The following SLAIN1 variants were observed in gnomAD, a reference collection of about 807,000 sequenced individuals.
SLAIN1 encodes SLAIN motif-containing protein 1.
SLAIN1 carries 17 observed loss-of-function variants against 55.4 expected under a neutral mutation model. The ratio of observed to expected loss-of-function variants is 0.31; its 90% CI spans 0.21 to 0.46. The LOEUF (loss-of-function observed/expected upper bound fraction) is 0.46. SLAIN1 is among the 20% of genes least tolerant of loss of function. SLAIN1 has a pLI of 1.00. For synonymous variants in SLAIN1, 348 were observed against 337.4 expected, an observed-to-expected ratio of 1.03 and a Z score of -0.35; for missense variants, 682 against 785.1, an observed-to-expected ratio of 0.87 and a Z score of 1.57.
At chr13:77,756,276 A>G (rs1157614564) in intron 5 of SLAIN1, among the ~76,000 whole-genome samples, 3 of 152,030 alleles carry the variant, frequency 2.0e-5, no homozygotes, top group Non-Finnish European at 4.4e-5. Flanking sequence ...ATTGGTTGGC[A>G]TTTCATTGAC....
intron 2 of SLAIN1, among the ~76,000 whole-genome samples, chr13:77,736,279 C>T (rs1459315283): frequency 3.3e-5 from 5 of 151,940 alleles, no homozygotes; most frequent in African/African-American, 1.2e-4. Flanking sequence ...AAGCCTTAAA[C>T]TCACCTTCCT....
intron 1 of SLAIN1, among the ~76,000 whole-genome samples, chr13:77,705,583 T>C (rs1410546917): frequency 6.6e-6 from 1 of 151,936 alleles, no homozygotes; most frequent in Admixed American, 6.6e-5. Flanking sequence ...CTAATGACAT[T>C]GAATAAAGTG....
intron 1 of SLAIN1, among the ~76,000 whole-genome samples, chr13:77,712,614 C>T (rs1328282338): frequency 3.3e-5 from 5 of 152,076 alleles, no homozygotes; most frequent in African/African-American, 7.2e-5. Context: ...GAATCAATAT[C>T]GTCAAAATGG....
chr13:77,763,112 A>ATC (rs745497575), intron 6 of SLAIN1, 33 bp from the exon 7 acceptor site: 17 of 1,567,304 alleles, frequency 1.1e-5, no homozygotes, highest in Middle Eastern at 1.7e-4. Flanking sequence ...ATTATTAACA[A>ATC]TCTCTCTCTC....
At chr13:77,703,214 TA>T (rs1383974058) in intron 1 of SLAIN1, among the ~76,000 whole-genome samples, 6 of 152,156 alleles carry the variant, frequency 3.9e-5, no homozygotes, top group African/African-American at 1.4e-4. Flanking sequence ...GAAAAGTTGT[TA>T]ATTATACAAG....
intron 1 of SLAIN1, among the ~76,000 whole-genome samples, chr13:77,716,381 A>G (rs547194046): frequency 8.0e-4 from 121 of 150,768 alleles, no homozygotes; most frequent in Non-Finnish European, 1.6e-3. Flanking sequence ...TTGCATTTCC[A>G]TATGAATTTT....
chr13:77,742,588 T>C (rs1477018653), intron 2 of SLAIN1, among the ~76,000 whole-genome samples: 1 of 151,888 alleles, frequency 6.6e-6, no homozygotes, highest in Non-Finnish European at 1.5e-5. Flanking sequence ...TAGAATTACA[T>C]ATAGTTAATA....
intron 2 of SLAIN1, among the ~76,000 whole-genome samples, chr13:77,738,014 G>A (rs1482544735): frequency 6.6e-6 from 1 of 152,054 alleles, no homozygotes; most frequent in African/African-American, 2.4e-5. Flanking sequence ...AGACTTCTCG[G>A]AATGACTGTG....
intron 1 of SLAIN1, among the ~76,000 whole-genome samples, chr13:77,706,076 T>A (rs1237409194): frequency 6.6e-6 from 1 of 152,090 alleles, no homozygotes; most frequent in South Asian, 2.1e-4. Context: ...CTCTACTCCC[T>A]CCTCCTGCTG....
chr13:77,716,521 T>C (rs2091209443), intron 1 of SLAIN1, among the ~76,000 whole-genome samples: 1 of 152,128 alleles, frequency 6.6e-6, no homozygotes, highest in Non-Finnish European at 1.5e-5. Flanking sequence ...GGCATATCTC[T>C]CCAGTTATGT....
chr13:77,734,720 C>T (rs1456913902), intron 2 of SLAIN1, among the ~76,000 whole-genome samples: 1 of 152,124 alleles, frequency 6.6e-6, no homozygotes, highest in East Asian at 1.9e-4. Context: ...AGAACATTTT[C>T]TTTCAGAATG....
chr13:77,749,933 G>A (rs1051074378), intron 4 of SLAIN1, among the ~76,000 whole-genome samples: 2 of 152,190 alleles, frequency 1.3e-5, no homozygotes, highest in African/African-American at 4.8e-5. Context: ...GACTAACACA[G>A]ATTAGAGGCA....
intron 2 of SLAIN1, among the ~76,000 whole-genome samples, chr13:77,740,934 T>A (rs1459418013): frequency 6.6e-6 from 1 of 152,024 alleles, no homozygotes; most frequent in Non-Finnish European, 1.5e-5. Context: ...TACAATAATT[T>A]TCCTCCCCTT....
chr13:77,706,152 C>A (rs2091087864), intron 1 of SLAIN1, among the ~76,000 whole-genome samples: 1 of 152,066 alleles, frequency 6.6e-6, no homozygotes, highest in Non-Finnish European at 1.5e-5. Context: ...AGTCTTTATA[C>A]TTTTATGATC....
At chr13:77,761,668 A>C (rs2154411121) in intron 6 of SLAIN1, among the ~76,000 whole-genome samples, 1 of 152,312 alleles carries the variant, frequency 6.6e-6, no homozygotes, top group East Asian at 1.9e-4. Flanking sequence ...AAAGCATCTT[A>C]ATGACATTCA....
chr13:77,733,215 A>T (rs182869298), intron 2 of SLAIN1, among the ~76,000 whole-genome samples: 1 of 152,140 alleles, frequency 6.6e-6, no homozygotes, highest in African/African-American at 2.4e-5. Context: ...TTACCTGCCA[A>T]TTGTCAGGAG....
chr13:77,724,914 G>A (rs1450688626), intron 2 of SLAIN1, among the ~76,000 whole-genome samples: 1 of 152,102 alleles, frequency 6.6e-6, no homozygotes, highest in Non-Finnish European at 1.5e-5. Context: ...TTGAGTAACA[G>A]ATATTACTGA....
At chr13:77,750,413 TA>T (rs1424705572) in intron 4 of SLAIN1, among the ~76,000 whole-genome samples, 1 of 152,130 alleles carries the variant, frequency 6.6e-6, no homozygotes, top group Non-Finnish European at 1.5e-5. Flanking sequence ...TGGAAATATG[TA>T]TAGTGAAAAT....
At chr13:77,723,606 C>T (rs765245344) in intron 2 of SLAIN1, among the ~76,000 whole-genome samples, 7 of 152,112 alleles carry the variant, frequency 4.6e-5, no homozygotes, top group Non-Finnish European at 8.8e-5. Context: ...ATTTTAGCTT[C>T]GGGGTTGCTG....
Sources: allele counts gnomAD v4.1 joint callset (sites outside exome capture counted in the v4.1 genomes callset), GRCh38; gene constraint gnomAD v4.1.1; transcripts MANE v1.5; gene names NCBI Gene and HGNC (gene_info 2026-07-23, HGNC 2026-07-21).